Variants in TSPYL2 observed in about 807,000 individuals in gnomAD.
TSPYL2 encodes the protein testis-specific Y-encoded-like protein 2.
A neutral mutation model predicts 33.0 loss-of-function variants in TSPYL2; 9 were observed. The ratio of observed to expected loss-of-function variants is 0.27; its 90% CI spans 0.16 to 0.48. The LOEUF is 0.48. Ranked by LOEUF, TSPYL2 falls within the 20% of genes least tolerant of loss-of-function variation. The probability of loss-of-function intolerance (pLI) is 0.99; values close to 1 mark genes in which losing one functional copy is unlikely to be tolerated. For missense variants in TSPYL2, 636 were observed against 586.2 expected (o/e 1.08, Z -0.88); for synonymous variants, 330 against 233.6 (o/e 1.41, Z -3.77).
intron 6 of TSPYL2, 60 bp downstream of exon 6, chrX:53,086,370 C>G (rs1396351699): frequency 2.8e-6 from 3 of 1,083,751 alleles, no homozygotes; most frequent in African/African-American, 4.0e-5. Flanking sequence ...GCAAGCCTGG[C>G]CAAGGACAGG....
chrX:53,082,582 G>T lies in TSPYL2; in HGVS notation c.84G>T (p.Pro28=). ...CTCCACAGCGCGACCCGCCCCCGCCGCCGCCGCCGCCGCCGCTCCTCCGAC... is the reference window on the plus strand; with the variant it reads ...CTCCACAGCGCGACCCGCCCCCGCCTCCGCCGCCGCCGCCGCTCCTCCGAC... ...SESPQRDPPP[P]PPPPPLLRLP... Residue 28 remains proline (P), a synonymous_variant, in exon 1 of 7, where the codon CCG becomes CCT. Transcript: ENST00000375442. 8.7e-7 allele frequency: 1 copy of T among 1,144,356 alleles called. No individual in the cohort carries two copies. The highest frequency in any genetic ancestry group is 1.2e-6 in the Non-Finnish European group (1 of 866,091). The allele number at this position is 1,144,356 out of a possible 1,213,427, so 94.3% of individuals were successfully genotyped here.
In TSPYL2 at chrX:53,086,279, C is replaced by G. The variant is rs371990751; in HGVS notation, c.1887C>G (p.Asp629Glu). 2.5e-6 allele frequency: 3 copies of G among 1,207,894 alleles called. No individual in the cohort carries two copies. Among genetic ancestry groups the G allele is most frequent in the Non-Finnish European group, 3.4e-6 (3 of 894,435 alleles). The change falls in exon 6 of 7, where the codon GAC (aspartate) becomes GAG (glutamate). Residue 629 changes from aspartate (D) to glutamate (E), a missense_variant. Asp to Glu is a conservative substitution (Grantham distance 45). Coordinates refer to ENST00000375442, the MANE Select transcript of TSPYL2 (RefSeq NM_022117.4). ...AGGACGTGATAGAGATCATCTCAGA[C>G]GAATCAGTGGAAGAAGAGGGCATTG... Reference protein sequence around the residue: ...DYEDVIEIISDESVEEEGIEE... With the variant: ...DYEDVIEIISEESVEEEGIEE...
chrX:53,083,945 A>G (rs1932692658), intron 1 of TSPYL2, among the ~76,000 whole-genome samples: 2 of 112,105 alleles, frequency 1.8e-5, no homozygotes, highest in Non-Finnish European at 3.8e-5. Context: ...ATACACATAC[A>G]TGTAACATGT....
In TSPYL2 at chrX:53,083,278, G is replaced by C; in HGVS notation, c.780G>C (p.Gln260His). 8.3e-7 allele frequency: 1 copy of C among 1,209,945 alleles called. No homozygotes were observed. The highest frequency in any genetic ancestry group is 1.1e-6 in the Non-Finnish European group (1 of 894,905). Residue 260 changes from glutamine to histidine, a missense_variant, in exon 1 of 7, where the codon CAG (glutamine) becomes CAC (histidine). Physicochemically the swap from Gln to His is conservative, Grantham distance 24. Transcript: ENST00000375442. Reference sequence around the variant, plus strand: ...TGGAGCGCAGAGACCTCATCATCCAGCATATCCCAGGCTTCTGGGTCAAAG... The same window carrying C: ...TGGAGCGCAGAGACCTCATCATCCACCATATCCCAGGCTTCTGGGTCAAAG... ...PFLERRDLII[Q>H]HIPGFWVKAF...
rs1473490412 is a variant in TSPYL2 at position 53,088,071 on chromosome X, A to G, written c.*132A>G. 3.4e-6 allele frequency: 2 copies of G among 586,012 alleles called. No homozygotes were observed. Among genetic ancestry groups the G allele is most frequent in the Non-Finnish European group, 5.3e-6 (2 of 375,538 alleles). The allele number at this position is 586,012 out of a possible 1,213,427, so 48.3% of individuals were successfully genotyped here. ...TGACCGACTTCGTACACGGGTTTAAAGTTTATTTTTATGGTTTAGTCATTG... is the reference window on the plus strand; with the variant it reads ...TGACCGACTTCGTACACGGGTTTAAGGTTTATTTTTATGGTTTAGTCATTG... On this transcript the variant is annotated 3_prime_UTR_variant, in exon 7 of 7. Transcript: ENST00000375442.
rs1400545289 is a variant in TSPYL2 at position 53,085,112 on chromosome X, C to T, written c.1143+13C>T. On this transcript the variant is annotated intron_variant, in intron 4 of 6. Transcript: ENST00000375442. ...CAGGATTGCTGAGGTGGGGCCCTTC[C>T]TGGCATCACCAGAGAAGGCCTTGCT... 7 of 1,201,093 alleles carry T rather than the reference C, an allele frequency of 5.8e-6. No individual in the cohort carries two copies. Among genetic ancestry groups the T allele is most frequent in the Non-Finnish European group, 7.9e-6 (7 of 888,961 alleles).
chrX:53,087,918 G>T lies in TSPYL2; in HGVS notation c.2061G>T (p.Gly687=). ...LQVPNGWANP[G]KRGKTG is the part of the protein sequence containing the mutation. ...TCCCAAACGGTTGGGCCAATCCGGG[G>T]AAGAGGGGGAAAACCGGATAAGGGT... Residue 687 remains glycine (G), a synonymous_variant, in exon 7 of 7, where the codon GGG becomes GGT. Coordinates refer to ENST00000375442, the MANE Select transcript of TSPYL2 (RefSeq NM_022117.4). 1 of 1,211,603 alleles carries T rather than the reference G, an allele frequency of 8.3e-7. No homozygotes were observed. The highest frequency in any genetic ancestry group is 1.1e-6 in the Non-Finnish European group (1 of 895,391).
rs782259205 is a variant in TSPYL2 at position 53,085,898 on chromosome X, C to T, written c.1506C>T (p.His502=). The change falls in exon 6 of 7, where the codon CAC becomes CAT. Residue 502 remains histidine (H), a synonymous_variant. Coordinates refer to ENST00000375442, the MANE Select transcript of TSPYL2 (RefSeq NM_022117.4). ...TTDNNESADD[H]ETTDNNESAD... The stretch of plus-strand genomic sequence containing the variant: ...ATAACAACGAGAGTGCTGATGACCA[C>T]GAAACCACTGACAACAATGAGAGTG... 3.6e-5 allele frequency: 44 copies of T among 1,209,421 alleles called. No homozygotes were observed. Among genetic ancestry groups the T allele is most frequent in the East Asian group, 2.4e-4 (8 of 33,776 alleles).
At chrX:53,087,680 C>T in intron 6 of TSPYL2, 96 bp from the exon 7 acceptor site, 1 of 985,800 alleles carries the variant, frequency 1.0e-6, no homozygotes, top group Admixed American at 3.0e-5. Context: ...CCGCTAAAAA[C>T]CCTGGCTATG....
chrX:53,085,249 T>C lies in TSPYL2; in HGVS notation c.1166T>C (p.Val389Ala). The change falls in exon 5 of 7, where the codon GTT becomes GCT. Residue 389 changes from valine to alanine, a missense_variant. By Grantham distance (64) the Val-to-Ala change is moderately conservative. Transcript: ENST00000375442. The part of the protein sequence containing the change: ...IAEIIKNDLW[V>A]NPLRYYLRER... ...CAGATTATCAAGAATGATCTGTGGG[T>C]TAACCCTCTACGCTACTACCTGAGA... The C allele has an allele frequency of 6.6e-6, 8 of 1,207,460 alleles. No homozygotes were observed. The highest frequency in any genetic ancestry group is 9.0e-6 in the Non-Finnish European group (8 of 893,845).
At chrX:53,084,413 T>C (rs1932707084) in intron 1 of TSPYL2, 132 bp from the exon 2 acceptor site, 1 of 542,341 alleles carries the variant, frequency 1.8e-6, no homozygotes, top group Non-Finnish European at 3.0e-6. Context: ...ATGACTCACT[T>C]GCTTTATACA....
At position 53,085,304 on chromosome X, in the gene TSPYL2, G is replaced by A. The variant is rs781899482; in HGVS notation, c.1221G>A (p.Lys407=). Residue 407 remains lysine, a synonymous_variant, in exon 5 of 7, where the codon AAG becomes AAA. Coordinates refer to ENST00000375442, the MANE Select transcript of TSPYL2 (RefSeq NM_022117.4). ...GGGGCTCCAGGATAAAGAGAAAGAA[G>A]CAAGAAATGAAGAAACGGTAATGGG... The part of the protein sequence containing the change: ...RERGSRIKRK[K]QEMKKRKTRG... The A allele has an allele frequency of 8.3e-7, 1 of 1,208,020 alleles. No individual in the cohort carries two copies. Among genetic ancestry groups the A allele is most frequent in the Admixed American group, 2.2e-5 (1 of 45,316 alleles).
intron 4 of TSPYL2, 53 bp downstream of exon 4, chrX:53,085,152 G>T: frequency 3.4e-6 from 4 of 1,188,350 alleles, no homozygotes; most frequent in Non-Finnish European, 4.5e-6. Context: ...TTGTTCCTGG[G>T]TGCGTGGGGA....
intron 2 of TSPYL2, 48 bp downstream of exon 2, chrX:53,084,670 T>A (rs1556807896): frequency 8.4e-7 from 1 of 1,187,685 alleles, no homozygotes; most frequent in Middle Eastern, 2.3e-4. Flanking sequence ...CGAATCTGGT[T>A]CTTGGAGGTG....
intron 5 of TSPYL2, 142 bp from the exon 6 acceptor site, chrX:53,085,489 G>T (rs1163539839): frequency 2.8e-5 from 21 of 746,908 alleles, no homozygotes; most frequent in Non-Finnish European, 3.9e-5. Flanking sequence ...ACAGTCAGGG[G>T]CAGAAGTGGG....
intron 3 of TSPYL2, 34 bp downstream of exon 3, chrX:53,084,900 C>T: frequency 8.3e-7 from 1 of 1,208,390 alleles, no homozygotes; most frequent in Non-Finnish European, 1.1e-6. Flanking sequence ...TCCATGTTCC[C>T]CCCCTCAATC....
At position 53,086,005 on chromosome X, in the gene TSPYL2, C is replaced by T. The variant is rs782594117; in HGVS notation, c.1613C>T (p.Thr538Ile). The change falls in exon 6 of 7, where the codon ACT (threonine) becomes ATT (isoleucine). Residue 538 changes from threonine (T) to isoleucine (I), a missense_variant. Around this residue, in one of 3 missense-constraint regions of TSPYL2, gnomAD observed 401 missense variants for 363.0 expected, o/e 1.10. Transcript: ENST00000375442. The part of the protein sequence containing the change: ...NEENPNNNEN[T>I]YGNNFFKGGF... ...GAGAACCCTAACAACAACGAGAACA[C>T]TTACGGCAACAACTTCTTCAAAGGT... 3 of 1,179,374 alleles carry T rather than the reference C, an allele frequency of 2.5e-6. No individual in the cohort carries two copies. The highest frequency in any genetic ancestry group is 3.4e-6 in the Non-Finnish European group (3 of 879,270).
At chrX:53,083,967 G>A (rs1556807714) in intron 1 of TSPYL2, among the ~76,000 whole-genome samples, 1 of 112,030 alleles carries the variant, frequency 8.9e-6, no homozygotes, top group Non-Finnish European at 1.9e-5. Context: ...AGGAACATGA[G>A]TCGAACATCC....
chrX:53,084,393 G>A (rs1003998814), intron 1 of TSPYL2, 152 bp from the exon 2 acceptor site: 6 of 475,077 alleles, frequency 1.3e-5, no homozygotes, highest in African/African-American at 2.4e-5. Context: ...ATAAGTATGG[G>A]TTATGTCCCA....
Sources: allele counts gnomAD v4.1 joint callset (sites outside exome capture counted in the v4.1 genomes callset), GRCh38; gene constraint gnomAD v4.1.1; regional missense constraint gnomAD v4.1.1; transcripts MANE v1.5; gene names NCBI Gene and HGNC (gene_info 2026-07-23, HGNC 2026-07-21).